The following STX18 variants were observed in gnomAD, a reference collection of about 807,000 sequenced individuals.
STX18 encodes syntaxin 18, also known as syntaxin-18.
A neutral mutation model predicts 50.1 loss-of-function variants in STX18; 40 were observed. That is an observed-to-expected ratio of 0.80 (90% CI 0.62 to 1.04). The LOEUF (loss-of-function observed/expected upper bound fraction) is 1.04. Ranked by LOEUF, STX18 falls within the 50% of genes least tolerant of loss-of-function variation. The pLI, the probability that STX18 is intolerant of heterozygous loss-of-function variation, is 0.00. For missense variants in STX18, 410 were observed against 415.8 expected, an observed-to-expected ratio of 0.99 and a Z score of 0.12; for synonymous variants, 158 against 151.8, an observed-to-expected ratio of 1.04 and a Z score of -0.30.
chr4:4,500,268 C>T (rs1729375705), intron 1 of STX18, among the ~76,000 whole-genome samples: 1 of 152,196 alleles, frequency 6.6e-6, no homozygotes, highest in African/African-American at 2.4e-5. Context: ...ATGCACATAA[C>T]TTGACCCTGT....
chr4:4,492,573 G>A (rs576132704), intron 1 of STX18, among the ~76,000 whole-genome samples: 27 of 152,198 alleles, frequency 1.8e-4, no homozygotes, highest in Admixed American at 1.6e-3. Flanking sequence ...TTTTTATTAG[G>A]AAACTGAAAA....
intron 1 of STX18, chr4:4,478,537 T>G (rs1728307587): frequency 6.6e-6 from 1 of 152,168 alleles, no homozygotes; most frequent in South Asian, 2.1e-4. Flanking sequence ...TAGCTTAGAA[T>G]AGGGTAGAGG....
intron 5 of STX18, 49 bp downstream of exon 5, chr4:4,457,142 T>G (rs1380203136): frequency 1.3e-6 from 2 of 1,501,026 alleles, no homozygotes; most frequent in Non-Finnish European, 1.9e-6. Context: ...ACTGCTATTA[T>G]TAGTAGTACT....
chr4:4,442,564 G>A (rs1458676201), intron 5 of STX18, among the ~76,000 whole-genome samples: 1 of 152,050 alleles, frequency 6.6e-6, no homozygotes, highest in East Asian at 1.9e-4. Flanking sequence ...TTTGCAGTGA[G>A]CCGAGATCAC....
intron 5 of STX18, among the ~76,000 whole-genome samples, chr4:4,441,937 T>C (rs1726127888): frequency 6.6e-6 from 1 of 152,158 alleles, no homozygotes; most frequent in Non-Finnish European, 1.5e-5. Context: ...AAGAAGCAAG[T>C]ATGGTAAAAT....
chr4:4,453,192 T>A (rs1406749630), intron 5 of STX18, among the ~76,000 whole-genome samples: 2 of 152,242 alleles, frequency 1.3e-5, no homozygotes, highest in African/African-American at 4.8e-5. Flanking sequence ...TTGAGAGGAC[T>A]GACTCAAATT....
At chr4:4,450,270 CAG>C (rs1726675683) in intron 5 of STX18, among the ~76,000 whole-genome samples, 2 of 152,188 alleles carry the variant, frequency 1.3e-5, no homozygotes, top group Admixed American at 6.5e-5. Flanking sequence ...AGACCACAGA[CAG>C]GGCTTTTCCC....
intron 1 of STX18, among the ~76,000 whole-genome samples, chr4:4,486,920 A>G (rs1457330163): frequency 1.3e-5 from 2 of 152,216 alleles, no homozygotes; most frequent in Non-Finnish European, 2.9e-5. Flanking sequence ...ACGAACATCT[A>G]AAGTATAGTT....
intron 1 of STX18, among the ~76,000 whole-genome samples, chr4:4,473,579 C>T (rs1415202381): frequency 6.6e-6 from 1 of 152,162 alleles, no homozygotes; most frequent in Non-Finnish European, 1.5e-5. Flanking sequence ...AGGCGTGAGC[C>T]ACCGCGCCCG....
intron 2 of STX18, among the ~76,000 whole-genome samples, chr4:4,468,769 C>T (rs189357362): frequency 1.6e-3 from 249 of 152,172 alleles, no homozygotes; most frequent in African/African-American, 5.8e-3. Flanking sequence ...TAATTTCACC[C>T]CTAGGTATTT....
chr4:4,428,563 T>G (rs1298918883), intron 7 of STX18, among the ~76,000 whole-genome samples: 2 of 152,106 alleles, frequency 1.3e-5, no homozygotes, highest in East Asian at 1.9e-4. Context: ...ATCTCTTGGG[T>G]GTCAGTTTCT....
In STX18 at chr4:4,532,393, C is replaced by A. The variant is rs148658144; in HGVS notation, c.168+9404G>T. On this transcript the variant is annotated intron_variant, in intron 1 of 10. Transcript: ENST00000306200. ...AAATTCCATTATAAAATTATATCACCACTTTTAAATCAAATACATTTGTGA... is the reference window on the plus strand; with the variant it reads ...AAATTCCATTATAAAATTATATCACAACTTTTAAATCAAATACATTTGTGA... Among the ~76,000 whole-genome samples the A allele has an allele frequency of 8.9e-3, 1,355 of 152,026 alleles. 24 individuals are homozygous for A. The highest frequency in any genetic ancestry group is 0.03 in the African/African-American group (1,235 of 41,440).
chr4:4,541,811 G>T lies in STX18; in HGVS notation c.154C>A (p.Arg52=), dbSNP rs775969920. The T allele has an allele frequency of 2.5e-6, 4 of 1,609,704 alleles. No individual in the cohort carries two copies. The highest frequency in any genetic ancestry group is 3.3e-5 in the Admixed American group (2 of 59,734). The stretch of plus-strand genomic sequence containing the variant: ...AACCAGCTCACCACTTCGCGGGCCC[G>T]GCTGGAGAAGTCGCCCTTGGGCCGG... ...SPRPKGDFSS[R]AREVISHIGK... is the part of the protein sequence containing the mutation. Residue 52 remains arginine, a synonymous_variant, in exon 1 of 11, where the codon CGG becomes AGG. Coordinates refer to ENST00000306200, the MANE Select transcript of STX18 (RefSeq NM_016930.4).
chr4:4,538,595 A>C (rs1052139388), intron 1 of STX18, among the ~76,000 whole-genome samples: 11 of 151,964 alleles, frequency 7.2e-5, no homozygotes, highest in African/African-American at 2.7e-4. Flanking sequence ...GAACAATAAT[A>C]ATCAGTCTGT....
intron 5 of STX18, among the ~76,000 whole-genome samples, chr4:4,445,961 G>A (rs904149540): frequency 1.3e-5 from 2 of 152,200 alleles, no homozygotes; most frequent in Admixed American, 6.5e-5. Flanking sequence ...TCAAGACAGT[G>A]TGGCAGTAGC....
At chr4:4,479,878 T>C (rs756628537) in intron 1 of STX18, among the ~76,000 whole-genome samples, 2 of 152,264 alleles carry the variant, frequency 1.3e-5, no homozygotes, top group East Asian at 1.9e-4. Context: ...AGCATCCCAA[T>C]AGGCAAACAG....
At chr4:4,457,109 G>A in intron 5 of STX18, 82 bp downstream of exon 5, 1 of 1,298,602 alleles carries the variant, frequency 7.7e-7, no homozygotes, top group Admixed American at 1.8e-5. Flanking sequence ...ACATTGCATA[G>A]GGTAAGTGCT....
At chr4:4,496,815 G>A (rs1014167615) in intron 1 of STX18, among the ~76,000 whole-genome samples, 1 of 152,158 alleles carries the variant, frequency 6.6e-6, no homozygotes, top group Non-Finnish European at 1.5e-5. Flanking sequence ...CTAAAATTCA[G>A]TAAGCTTTAA....
At chr4:4,532,819 C>T (rs143540679) in intron 1 of STX18, among the ~76,000 whole-genome samples, 52 of 152,330 alleles carry the variant, frequency 3.4e-4, no homozygotes, top group African/African-American at 1.1e-3. Flanking sequence ...TCTGCTAAGA[C>T]TATAGAATTC....
Sources: allele counts gnomAD v4.1 joint callset (sites outside exome capture counted in the v4.1 genomes callset), GRCh38; gene constraint gnomAD v4.1.1; transcripts MANE v1.5; gene names NCBI Gene and HGNC (gene_info 2026-07-23, HGNC 2026-07-21).